Variants in GPC6 observed in about 807,000 individuals in gnomAD.
GPC6 encodes the protein glypican 6.
A neutral mutation model predicts 55.2 loss-of-function variants in GPC6; 14 were observed. The ratio of observed to expected loss-of-function variants is 0.25; its 90% CI spans 0.17 to 0.40. GPC6 has a LOEUF of 0.40. GPC6 is among the 10% of genes least tolerant of loss of function. The probability of loss-of-function intolerance (pLI) is 1.00; values close to 1 mark genes in which losing one functional copy is unlikely to be tolerated. For synonymous variants in GPC6, 278 were observed against 259.6 expected (o/e 1.07, Z -0.68); for missense variants, 641 against 708.5 (o/e 0.90, Z 1.08).
chr13:94,020,306 T>C (rs1354515510), intron 3 of GPC6, among the ~76,000 whole-genome samples: 1 of 152,232 alleles, frequency 6.6e-6, no homozygotes, highest in Non-Finnish European at 1.5e-5. Flanking sequence ...TTCCCTCTGT[T>C]ACTGATTTCT....
At chr13:93,667,549 T>C (rs1594356044) in intron 2 of GPC6, among the ~76,000 whole-genome samples, 2 of 151,812 alleles carry the variant, frequency 1.3e-5, no homozygotes, top group African/African-American at 2.4e-5. Context: ...TCTCCTGCCT[T>C]AGCCTCTCGA....
intron 1 of GPC6, among the ~76,000 whole-genome samples, chr13:93,404,641 G>T (rs1216473945): frequency 6.6e-6 from 1 of 152,062 alleles, no homozygotes; most frequent in Non-Finnish European, 1.5e-5. Flanking sequence ...CGTTACCACT[G>T]CAATGATTAA....
intron 2 of GPC6, among the ~76,000 whole-genome samples, chr13:93,679,537 A>G (rs1390329365): frequency 6.6e-6 from 1 of 152,192 alleles, no homozygotes; most frequent in Non-Finnish European, 1.5e-5. Context: ...GACCTGGAAT[A>G]TCTCTAAAGG....
intron 4 of GPC6, among the ~76,000 whole-genome samples, chr13:94,150,324 G>C (rs1326536047): frequency 1.3e-5 from 2 of 151,866 alleles, no homozygotes; most frequent in African/African-American, 2.4e-5. Flanking sequence ...TTCCCCCCTT[G>C]TCCTTCTAGC....
At chr13:94,283,387 A>G (rs1892442973) in intron 4 of GPC6, among the ~76,000 whole-genome samples, 1 of 152,220 alleles carries the variant, frequency 6.6e-6, no homozygotes, top group Admixed American at 6.5e-5. Flanking sequence ...ACTCCCAGCC[A>G]TTTAGTGGAG....
At chr13:94,131,265 A>G (rs961540890) in intron 4 of GPC6, among the ~76,000 whole-genome samples, 1 of 152,106 alleles carries the variant, frequency 6.6e-6, no homozygotes, top group Non-Finnish European at 1.5e-5. Context: ...TTTCTGTTTT[A>G]TTTTTATGGC....
intron 4 of GPC6, among the ~76,000 whole-genome samples, chr13:94,172,759 C>G (rs1888617431): frequency 6.6e-6 from 1 of 152,052 alleles, no homozygotes; most frequent in Non-Finnish European, 1.5e-5. Context: ...CATAAATGAC[C>G]AAGTTACGTG....
intron 3 of GPC6, among the ~76,000 whole-genome samples, chr13:93,912,472 A>T: frequency 6.6e-6 from 1 of 152,204 alleles, no homozygotes; most frequent in East Asian, 1.9e-4. Flanking sequence ...GGCCGGGTGC[A>T]GTGGCTCACG....
At chr13:93,486,716 G>A (rs1446850120) in intron 1 of GPC6, among the ~76,000 whole-genome samples, 1 of 152,092 alleles carries the variant, frequency 6.6e-6, no homozygotes, top group Admixed American at 6.5e-5. Flanking sequence ...GGAGGCCAAG[G>A]CAGGTGGATC....
At chr13:94,292,089 C>A (rs1188129450) in intron 5 of GPC6, among the ~76,000 whole-genome samples, 1 of 152,122 alleles carries the variant, frequency 6.6e-6, no homozygotes, top group African/African-American at 2.4e-5. Flanking sequence ...TACATGGTTT[C>A]TATTGTGTAA....
At chr13:93,340,352 A>G (rs556931060) in intron 1 of GPC6, among the ~76,000 whole-genome samples, 1 of 152,260 alleles carries the variant, frequency 6.6e-6, no homozygotes, top group South Asian at 2.1e-4. Flanking sequence ...TTCTTTTTAA[A>G]TACCTGTTAT....
chr13:93,743,241 C>A (rs1416718356), intron 2 of GPC6, among the ~76,000 whole-genome samples: 1 of 152,126 alleles, frequency 6.6e-6, no homozygotes, highest in Non-Finnish European at 1.5e-5. Context: ...GTGTAGGTAT[C>A]ACAGACCATG....
At chr13:94,303,884 A>G (rs1380018688) in intron 5 of GPC6, among the ~76,000 whole-genome samples, 3 of 152,166 alleles carry the variant, frequency 2.0e-5, no homozygotes, top group Non-Finnish European at 4.4e-5. Context: ...AACTTAACCC[A>G]GTGAGCCACA....
chr13:93,340,028 T>G (rs953005293), intron 1 of GPC6, among the ~76,000 whole-genome samples: 1 of 50,026 alleles, frequency 2.0e-5, no homozygotes, highest in African/African-American at 1.0e-4. Flanking sequence ...TTTTCTTTCT[T>G]TTTTTTTTTT....
chr13:93,702,242 C>T (rs1882694749), intron 2 of GPC6, among the ~76,000 whole-genome samples: 1 of 152,014 alleles, frequency 6.6e-6, no homozygotes. Flanking sequence ...CACCAGAGCT[C>T]CTGGGTAACT....
chr13:93,441,946 A>G (rs1877820366), intron 1 of GPC6, among the ~76,000 whole-genome samples: 1 of 152,198 alleles, frequency 6.6e-6, no homozygotes, highest in South Asian at 2.1e-4. Context: ...AGTAGGAGGG[A>G]TGGAATCAAT....
chr13:93,809,669 C>T (rs541451499), intron 2 of GPC6, among the ~76,000 whole-genome samples: 19 of 152,174 alleles, frequency 1.2e-4, no homozygotes, highest in Non-Finnish European at 2.2e-4. Context: ...TTACAAGCCC[C>T]GTGCAGGAGG....
chr13:93,657,179 G>T (rs181679862), intron 2 of GPC6, among the ~76,000 whole-genome samples: 1 of 151,942 alleles, frequency 6.6e-6, no homozygotes, highest in East Asian at 1.9e-4. Context: ...TTTGAGACAT[G>T]CATTACCCAA....
At chr13:93,715,496 G>A (rs1014708505) in intron 2 of GPC6, among the ~76,000 whole-genome samples, 4 of 151,510 alleles carry the variant, frequency 2.6e-5, no homozygotes, top group Middle Eastern at 3.4e-3. Context: ...AAGCAACGGT[G>A]GAAAAGCTAA....
Sources: allele counts gnomAD v4.1 joint callset (sites outside exome capture counted in the v4.1 genomes callset), GRCh38; gene constraint gnomAD v4.1.1; transcripts MANE v1.5; gene names NCBI Gene and HGNC (gene_info 2026-07-23, HGNC 2026-07-21).